The following KLHL13 variants were observed in gnomAD, a reference collection of about 807,000 sequenced individuals.
The protein encoded by KLHL13 is kelch like family member 13, also known as kelch-like protein 13.
Under a neutral mutation model 37.1 loss-of-function variants are expected in KLHL13, and 10 were observed. That is an observed-to-expected ratio of 0.27 (90% confidence interval 0.17 to 0.46). The LOEUF is 0.46. Ranked by LOEUF, KLHL13 falls within the 20% of genes least tolerant of loss-of-function variation. The probability of loss-of-function intolerance (pLI) is 1.00; values close to 1 mark genes in which losing one functional copy is unlikely to be tolerated. For synonymous variants in KLHL13, 163 were observed against 181.2 expected (o/e 0.90, Z 0.81); for missense variants, 360 against 509.3 (o/e 0.71, Z 2.82).
intron 1 of KLHL13, among the ~76,000 whole-genome samples, chrX:118,060,763 A>G (rs1049801175): frequency 9.0e-6 from 1 of 111,661 alleles, no homozygotes; most frequent in South Asian, 3.8e-4. Context: ...GAAATAACAC[A>G]TATTAAGAAG....
intron 1 of KLHL13, among the ~76,000 whole-genome samples, chrX:118,085,379 G>A (rs192198674): frequency 9.0e-6 from 1 of 111,067 alleles, no homozygotes; most frequent in East Asian, 2.8e-4. Context: ...GAACTGGGGA[G>A]AGGGGAGATA....
chrX:118,108,805 T>A (rs898923532), intron 1 of KLHL13, among the ~76,000 whole-genome samples: 7 of 111,117 alleles, frequency 6.3e-5, no homozygotes, highest in Middle Eastern at 4.6e-3. Flanking sequence ...TTTTTAAAAA[T>A]TTTTTTAGAT....
intron 1 of KLHL13, among the ~76,000 whole-genome samples, chrX:117,995,794 T>C (rs2053848055): frequency 9.0e-6 from 1 of 111,707 alleles, no homozygotes; most frequent in Admixed American, 9.5e-5. Context: ...CATAATATTT[T>C]GGAGGCTCAT....
At chrX:118,000,850 C>T (rs2053912839) in intron 1 of KLHL13, among the ~76,000 whole-genome samples, 1 of 111,440 alleles carries the variant, frequency 9.0e-6, no homozygotes, top group Non-Finnish European at 1.9e-5. Context: ...CACCTCAAAC[C>T]CTGCTGGGGC....
intron 4 of KLHL13, among the ~76,000 whole-genome samples, chrX:117,914,506 A>T (rs1931213023): frequency 9.0e-6 from 1 of 111,341 alleles, no homozygotes; most frequent in African/African-American, 3.3e-5. Flanking sequence ...AGAGAATGAA[A>T]CCATGTCCAC....
intron 1 of KLHL13, among the ~76,000 whole-genome samples, chrX:118,102,888 TA>T (rs1233302768): frequency 8.9e-6 from 1 of 112,024 alleles, no homozygotes; most frequent in African/African-American, 3.2e-5. Flanking sequence ...TTAAAATCAA[TA>T]AATGATATAC....
chrX:118,114,318 T>C (rs2055443839), intron 1 of KLHL13, among the ~76,000 whole-genome samples: 1 of 112,143 alleles, frequency 8.9e-6, no homozygotes, highest in African/African-American at 3.2e-5. Context: ...ATCAGAAATA[T>C]CCAGTCTGCT....
chrX:117,955,705 C>T (rs1284851291), intron 1 of KLHL13, among the ~76,000 whole-genome samples: 1 of 111,724 alleles, frequency 9.0e-6, no homozygotes, highest in Non-Finnish European at 1.9e-5. Context: ...AGCAAAGACT[C>T]TAAGTATCAT....
chrX:118,084,313 G>A (rs1450107147), intron 1 of KLHL13, among the ~76,000 whole-genome samples: 4 of 111,758 alleles, frequency 3.6e-5, no homozygotes, highest in Non-Finnish European at 7.5e-5. Flanking sequence ...GTGAGACCCT[G>A]TCTCAAAAAA....
intron 1 of KLHL13, among the ~76,000 whole-genome samples, chrX:117,967,259 C>T (rs980714098): frequency 9.0e-6 from 1 of 111,331 alleles, no homozygotes; most frequent in Non-Finnish European, 1.9e-5. Flanking sequence ...ATGTTTATAC[C>T]GCCTTTCTCA....
At chrX:117,997,949 T>C (rs1329555416) in intron 1 of KLHL13, among the ~76,000 whole-genome samples, 1 of 112,307 alleles carries the variant, frequency 8.9e-6, no homozygotes, top group Non-Finnish European at 1.9e-5. Context: ...GGTACTCTAC[T>C]AATTACAAAG....
At chrX:118,091,379 A>C (rs932022697) in intron 1 of KLHL13, among the ~76,000 whole-genome samples, 1 of 112,061 alleles carries the variant, frequency 8.9e-6, no homozygotes, top group Non-Finnish European at 1.9e-5. Flanking sequence ...TCATTGAGCA[A>C]TTATGAAAAC....
chrX:118,052,931 A>C (rs181799459), intron 1 of KLHL13, among the ~76,000 whole-genome samples: 4 of 111,793 alleles, frequency 3.6e-5, no homozygotes, highest in Non-Finnish European at 7.5e-5. Flanking sequence ...TAGAGCCCAT[A>C]AAGAAAATAA....
At chrX:117,929,802 AAACTT>A in intron 2 of KLHL13, among the ~76,000 whole-genome samples, 1 of 102,639 alleles carries the variant, frequency 9.7e-6, no homozygotes, top group Middle Eastern at 4.8e-3. Context: ...AAAAAAAAAA[AAACTT>A]AAATTAAATT....
At chrX:118,082,992 T>G (rs1198520832) in intron 1 of KLHL13, among the ~76,000 whole-genome samples, 1 of 112,019 alleles carries the variant, frequency 8.9e-6, no homozygotes, top group Non-Finnish European at 1.9e-5. Flanking sequence ...GCTGTTTTCC[T>G]TACTCAGGCA....
intron 1 of KLHL13, among the ~76,000 whole-genome samples, chrX:117,966,976 A>T (rs1415459009): frequency 8.9e-6 from 1 of 111,789 alleles, no homozygotes; most frequent in African/African-American, 3.3e-5. Flanking sequence ...AACCTAGGCA[A>T]TACCATTCAG....
chrX:117,902,511 T>C (rs1045924183), intron 5 of KLHL13, among the ~76,000 whole-genome samples: 4 of 111,879 alleles, frequency 3.6e-5, no homozygotes, highest in African/African-American at 1.3e-4. Flanking sequence ...AGTTCGTATA[T>C]ACCCACCATC....
intron 1 of KLHL13, among the ~76,000 whole-genome samples, chrX:117,951,568 C>G (rs1022710095): frequency 1.8e-5 from 2 of 111,230 alleles, no homozygotes; most frequent in African/African-American, 6.5e-5. Flanking sequence ...AATCATTTCA[C>G]TAATGGAACT....
intron 2 of KLHL13, among the ~76,000 whole-genome samples, chrX:117,940,899 T>C (rs543923957): frequency 3.7e-4 from 41 of 111,862 alleles, no homozygotes; most frequent in African/African-American, 1.3e-3. Context: ...ACAGAGACAA[T>C]TTAACTTCCT....
Sources: gnomAD v4.1 joint callset for allele counts (sites outside exome capture counted in the v4.1 genomes callset) on GRCh38, gnomAD v4.1.1 for gene constraint, MANE v1.5 for transcripts, NCBI Gene and HGNC (gene_info 2026-07-23, HGNC 2026-07-21) for gene names.